Variants in RAD18 observed in about 807,000 individuals in gnomAD.
RAD18 encodes the protein RAD18 E3 ubiquitin protein ligase, also known as E3 ubiquitin-protein ligase RAD18.
RAD18 carries 47 observed loss-of-function variants against 60.4 expected under a neutral mutation model. The ratio of observed to expected loss-of-function variants is 0.78; its 90% CI spans 0.62 to 0.99. RAD18 has a LOEUF of 0.99. Ranked by LOEUF, RAD18 falls within the 50% of genes least tolerant of loss-of-function variation. The pLI is 0.00. For synonymous variants in RAD18, 225 were observed against 195.5 expected, an observed-to-expected ratio of 1.15 and a Z score of -1.26; for missense variants, 640 against 593.3, an observed-to-expected ratio of 1.08 and a Z score of -0.82.
chr3:8,939,787 A>G, intron 5 of RAD18, 134 bp from the exon 6 acceptor site: 1 of 698,632 alleles, frequency 1.4e-6, no homozygotes, highest in East Asian at 2.9e-5. Context: ...GCAGAAAAGA[A>G]AAAGAATGGC....
chr3:8,963,264 A>T (rs1941119347), intron 1 of RAD18, 71 bp downstream of exon 1: 30 of 1,472,418 alleles, frequency 2.0e-5, no homozygotes, highest in Non-Finnish European at 2.6e-5. Flanking sequence ...TAAGGCGAGG[A>T]CATCCTCCTC....
chr3:8,909,740 T>C (rs897057727), intron 9 of RAD18, among the ~76,000 whole-genome samples: 3 of 152,210 alleles, frequency 2.0e-5, no homozygotes, highest in African/African-American at 7.2e-5. Context: ...AATTCCTCTA[T>C]ACCAGGGGTG....
chr3:8,893,693 A>ATT lies in RAD18; in HGVS notation c.1323-3244_1323-3243dup, dbSNP rs71049754. Among the ~76,000 whole-genome samples the ATT allele has an allele frequency of 2.8e-3, 298 of 104,754 alleles. 3 individuals carry two copies. The highest frequency in any genetic ancestry group is 4.5e-3 in the African/African-American group (137 of 30,766). The allele number at this position is 104,754 out of a possible 152,430, so 68.7% of individuals were successfully genotyped here. On this transcript the variant is annotated intron_variant, in intron 11 of 12. Transcript: ENST00000264926. Reference sequence around the variant, plus strand: ...TACTTTGTACACATTAGCTTTTTTAATTTTTTTTTTTTTTTTTTTTTTGAG... The same window carrying ATT: ...TACTTTGTACACATTAGCTTTTTTAATTTTTTTTTTTTTTTTTTTTTTTTGAG...
At chr3:8,931,079 CTG>C (rs34586653) in intron 7 of RAD18, among the ~76,000 whole-genome samples, 5,485 of 152,084 alleles carry the variant, frequency 0.036, 333 homozygotes, top group African/African-American at 0.12. Context: ...ATAAATAAAA[CTG>C]TTTTTATTGG....
rs747632564 is a variant in RAD18, at chr3:8,941,512, G to A, written c.559C>T (p.Arg187Cys). ...GTGGATGTCGAGGGTGGCTCAGGAC[G>A]CTTAGCCTCTGAGGGATCTGGAGCG... Reference protein sequence around the residue: ...EIAPDPSEAKRPEPPSTSTLK... With the variant: ...EIAPDPSEAKCPEPPSTSTLK... The change falls in exon 5 of 13, where the codon CGT becomes TGT. Residue 187 changes from arginine to cysteine, a missense_variant. Transcript: ENST00000264926. 30 of 1,613,638 alleles carry A rather than the reference G, an allele frequency of 1.9e-5. No individual in the cohort carries two copies. Among genetic ancestry groups the A allele is most frequent in the Non-Finnish European group, 2.5e-5 (29 of 1,179,800 alleles).
At chr3:8,912,606 T>C (rs1182500183) in intron 8 of RAD18, 6 of 289,050 alleles carry the variant, frequency 2.1e-5, no homozygotes, top group Non-Finnish European at 3.8e-5. Flanking sequence ...CATGATTCAA[T>C]TATATATTAA....
At chr3:8,921,709 G>GA (rs1446624069) in intron 7 of RAD18, among the ~76,000 whole-genome samples, 1 of 151,212 alleles carries the variant, frequency 6.6e-6, no homozygotes, top group Non-Finnish European at 1.5e-5. Context: ...GGAAATCCAG[G>GA]AAAAAATGAA....
rs376999817 is a variant in RAD18, at chr3:8,937,519, G to C, written c.705-1464C>G. 6.1e-4 allele frequency among the ~76,000 whole-genome samples: 92 copies of C among 149,736 alleles called. No individual in the cohort carries two copies. In the South Asian group the frequency reaches 0.018, roughly 29 times the overall value. ...CATGGTTTTATATAGAAGGGTTAAG[G>C]GCTGCCACTCACATTCAGCAGATGG... On this transcript the variant is annotated intron_variant, in intron 6 of 12. Transcript: ENST00000264926.
intron 2 of RAD18, among the ~76,000 whole-genome samples, chr3:8,951,224 CA>C (rs1467025313): frequency 3.3e-5 from 5 of 152,068 alleles, no homozygotes; most frequent in African/African-American, 7.2e-5. Flanking sequence ...ATTGAAACTA[CA>C]TAAAATCAAA....
chr3:8,906,452 A>C (rs564900722), intron 9 of RAD18, among the ~76,000 whole-genome samples: 1 of 152,102 alleles, frequency 6.6e-6, no homozygotes, highest in Non-Finnish European at 1.5e-5. Context: ...CTCACCTCCA[A>C]TTTGGTCTCA....
At chr3:8,920,021 G>A (rs574356663) in intron 7 of RAD18, among the ~76,000 whole-genome samples, 6 of 152,284 alleles carry the variant, frequency 3.9e-5, no homozygotes, top group Non-Finnish European at 5.9e-5. Context: ...AGTGGCTCAC[G>A]CCTGTAATCC....
intron 12 of RAD18, among the ~76,000 whole-genome samples, chr3:8,889,535 C>T (rs1055209589): frequency 1.3e-5 from 2 of 152,068 alleles, no homozygotes; most frequent in African/African-American, 2.4e-5. Flanking sequence ...TGTAGGAGGA[C>T]TGGATCCAGG....
intron 7 of RAD18, among the ~76,000 whole-genome samples, chr3:8,919,105 G>A (rs2125057784): frequency 6.6e-6 from 1 of 152,244 alleles, no homozygotes; most frequent in Middle Eastern, 3.4e-3. Flanking sequence ...CCACAGTGTG[G>A]AATATCAGGT....
chr3:8,918,638 CTGGAGAAG>C (rs1940254207), intron 7 of RAD18, among the ~76,000 whole-genome samples: 3 of 152,058 alleles, frequency 2.0e-5, no homozygotes, highest in African/African-American at 7.2e-5. Context: ...AGACTATGCT[CTGGAGAAG>C]TCCAGAGCCA....
At chr3:8,896,162 G>A (rs1939779944) in intron 11 of RAD18, among the ~76,000 whole-genome samples, 1 of 152,234 alleles carries the variant, frequency 6.6e-6, no homozygotes, top group Admixed American at 6.5e-5. Context: ...AGACATTCAG[G>A]ACTCTTATTT....
At chr3:8,909,743 C>G (rs1466519956) in intron 9 of RAD18, among the ~76,000 whole-genome samples, 2 of 151,988 alleles carry the variant, frequency 1.3e-5, no homozygotes. Context: ...TCCTCTATAC[C>G]AGGGGTGTCC....
Position 8,936,042 on chromosome 3 carries a change from T to C in RAD18, c.718A>G (p.Arg240Gly), listed in dbSNP as rs1044172086. 3.2e-6 allele frequency: 5 copies of C among 1,585,906 alleles called. No individual in the cohort carries two copies. The African/African-American group carries it at 6.8e-5, about 22-fold the overall frequency. Residue 240 changes from arginine (R) to glycine (G), a missense_variant, in exon 7 of 13, where the codon AGG (arginine) becomes GGG (glycine). Arg to Gly is a moderately radical substitution (Grantham distance 125, BLOSUM62 -2). Coordinates refer to ENST00000264926, the MANE Select transcript of RAD18 (RefSeq NM_020165.4). ...KESLRSSVHKRKPLPKTVYNL... is the reference protein window; with the variant it reads ...KESLRSSVHKGKPLPKTVYNL... ...TATACAGTTTTGGGCAGCGGCTTCC[T>C]TTTGTGAACAGAACTGAAAAGGGGG... is the stretch of plus-strand genomic sequence containing the variant.
intron 12 of RAD18, among the ~76,000 whole-genome samples, chr3:8,883,422 GT>G (rs1261404691): frequency 1.3e-5 from 2 of 152,122 alleles, no homozygotes; most frequent in Non-Finnish European, 2.9e-5. Context: ...TGTATTCTTT[GT>G]TGTATATGGC....
At chr3:8,940,667 G>A (rs1263722492) in intron 5 of RAD18, among the ~76,000 whole-genome samples, 1 of 152,216 alleles carries the variant, frequency 6.6e-6, no homozygotes, top group African/African-American at 2.4e-5. Flanking sequence ...AAACAGTTAA[G>A]CAAATGGGAT....
Sources: allele counts gnomAD v4.1 joint callset (sites outside exome capture counted in the v4.1 genomes callset), GRCh38; gene constraint gnomAD v4.1.1; transcripts MANE v1.5; gene names NCBI Gene and HGNC (gene_info 2026-07-23, HGNC 2026-07-21).